EML3: variants seen among roughly 807,000 people sequenced by gnomAD.
EML3 encodes EMAP like 3, also known as echinoderm microtubule-associated protein-like 3.
In EML3, 53 loss-of-function variants were observed where a neutral mutation model predicts 106.7. The ratio of observed to expected loss-of-function variants is 0.50; its 90% CI spans 0.40 to 0.62. The LOEUF is 0.62. EML3 is among the 20% of genes least tolerant of loss of function. The pLI is 0.00. For missense variants in EML3, 994 were observed against 1,209.1 expected, an observed-to-expected ratio of 0.82 and a Z score of 2.64; for synonymous variants, 499 against 489.6, an observed-to-expected ratio of 1.02 and a Z score of -0.25.
Position 62,611,170 on chromosome 11 carries a change from T to C in EML3, c.369A>G (p.Gly123=), listed in dbSNP as rs1315922505. ...SEEPSGTQSE[G]GGSSSSGAGS... ...CAGCACCACTGCTGCTGCTGCCCCC[T>C]CCTTCAGATTGGGTCCCGCTAGGCT... The change falls in exon 3 of 22, where the codon GGA becomes GGG. Residue 123 remains glycine, a synonymous_variant. Coordinates refer to ENST00000394773, the MANE Select transcript of EML3 (RefSeq NM_153265.3). The C allele has an allele frequency of 6.2e-7, 1 of 1,605,362 alleles. No individual in the cohort carries two copies. Among genetic ancestry groups the C allele is most frequent in the East Asian group, 2.2e-5 (1 of 44,846 alleles).
chr11:62,607,222 C>T (rs1297439720), intron 11 of EML3, 123 bp from the exon 12 acceptor site: 47 of 1,251,174 alleles, frequency 3.8e-5, no homozygotes, highest in South Asian at 2.7e-4. Flanking sequence ...CCAAGGCGGG[C>T]GGGTCACCTG....
Position 62,608,721 on chromosome 11 carries a change from T to G in EML3, c.999+15A>C. The G allele has an allele frequency of 6.2e-7, 1 of 1,613,058 alleles. No homozygotes were observed. Among genetic ancestry groups the G allele is most frequent in the South Asian group, 1.1e-5 (1 of 90,938 alleles). On this transcript the variant is annotated intron_variant, in intron 8 of 21. Transcript: ENST00000394773. ...AATTCCAGCATGTCTGCCTGCTCCC[T>G]GACTTTGGCCTTACCTTTCCATCCT... is the stretch of plus-strand genomic sequence containing the variant.
Position 62,606,949 on chromosome 11 carries a change from G to A in EML3, c.1504+9C>T, listed in dbSNP as rs1942553321. ...CTACACTTCCCAGATGCCCCTCCCA[G>A]CCACATACCTTTGGCGCCACCCCTG... On this transcript the variant is annotated intron_variant, in intron 12 of 21. Coordinates refer to ENST00000394773, the MANE Select transcript of EML3 (RefSeq NM_153265.3). The A allele has an allele frequency of 1.2e-6, 2 of 1,610,708 alleles. No homozygotes were observed. Among genetic ancestry groups the A allele is most frequent in the Non-Finnish European group, 1.7e-6 (2 of 1,178,074 alleles).
chr11:62,610,775 G>T, intron 4 of EML3, 104 bp downstream of exon 4: 1 of 997,692 alleles, frequency 1.0e-6, no homozygotes, highest in Non-Finnish European at 1.5e-6. Flanking sequence ...ATTCCTGTTG[G>T]GCAATCAGGT....
rs967774436 is a variant in EML3 at position 62,602,396 on chromosome 11, G to C, written c.*79C>G. 14 of 1,550,776 alleles carry C rather than the reference G, an allele frequency of 9.0e-6. No individual in the cohort carries two copies. Among genetic ancestry groups the C allele is most frequent in the Non-Finnish European group, 9.6e-6 (11 of 1,146,704 alleles). On this transcript the variant is annotated 3_prime_UTR_variant, in exon 22 of 22. Transcript: ENST00000394773. The stretch of plus-strand genomic sequence containing the variant: ...CAGTCCAGGAAAGAGTCGGCCCCTA[G>C]TCGTGGGGGATTGGGCCAGGGAAGG...
chr11:62,604,270 G>A (rs1233428974), intron 16 of EML3, 69 bp from the exon 17 acceptor site: 1 of 1,432,212 alleles, frequency 7.0e-7, no homozygotes, highest in Admixed American at 1.8e-5. Flanking sequence ...CCCCAGGGAG[G>A]CCACCCTGGG....
rs1452595960 is a variant in EML3, at chr11:62,612,580, C to G, written c.-123G>C. The G allele has an allele frequency of 2.0e-6, 2 of 995,510 alleles. No individual in the cohort carries two copies. The highest frequency in any genetic ancestry group is 4.3e-5 in the Admixed American group (1 of 23,030). The allele number at this position is 995,510 out of a possible 1,614,324, so 61.7% of individuals were successfully genotyped here. A position where few individuals can be genotyped will look rare whatever the true frequency, so the allele number is the denominator to read the frequency against. ...CGCGCGAAGGGCGCCGTACCACCAC[C>G]CCGAGGGGGCGCTGTCGGGCGCGGG... On this transcript the variant is annotated 5_prime_UTR_variant, in exon 1 of 22. Transcript: ENST00000394773.
chr11:62,606,948 A>T lies in EML3; in HGVS notation c.1504+10T>A. ...ACTACACTTCCCAGATGCCCCTCCC[A>T]GCCACATACCTTTGGCGCCACCCCT... On this transcript the variant is annotated intron_variant, in intron 12 of 21. Coordinates refer to ENST00000394773, the MANE Select transcript of EML3 (RefSeq NM_153265.3). 1 of 1,610,850 alleles carries T rather than the reference A, an allele frequency of 6.2e-7. No individual in the cohort carries two copies. The highest frequency in any genetic ancestry group is 8.5e-7 in the Non-Finnish European group (1 of 1,178,412).
rs747227582 is a variant in EML3 at position 62,602,787 on chromosome 11, A to C, written c.2459T>G (p.Leu820Arg). ...GGCACGAGCGCACGGGTACTGGAAG[A>C]GATGCACTTTGCAGAAGTCGTCGGC... ...AVADDFCKVHLFQYPCARAKA... is the reference protein window; with the variant it reads ...AVADDFCKVHRFQYPCARAKA... Residue 820 changes from leucine (L) to arginine (R), a missense_variant, in exon 21 of 22, where the codon CTC becomes CGC. Coordinates refer to ENST00000394773, the MANE Select transcript of EML3 (RefSeq NM_153265.3). 6.2e-7 allele frequency: 1 copy of C among 1,611,638 alleles called. No homozygotes were observed. Among genetic ancestry groups the C allele is most frequent in the Non-Finnish European group, 8.5e-7 (1 of 1,179,414 alleles).
intron 7 of EML3, 34 bp downstream of exon 7, chr11:62,608,927 CT>C (rs1195619608): frequency 6.2e-7 from 1 of 1,609,892 alleles, no homozygotes; most frequent in African/African-American, 1.3e-5. Context: ...CCCAGACCCT[CT>C]TCCTGCCAAG....
At chr11:62,606,868 A>AAG in intron 12 of EML3, 90 bp downstream of exon 12, 1 of 1,430,570 alleles carries the variant, frequency 7.0e-7, no homozygotes, top group South Asian at 1.5e-5. Context: ...AAAAAAAAAA[A>AAG]AAAAAAGATG....
In EML3 at chr11:62,607,706, G is replaced by A; in HGVS notation, c.1322C>T (p.Pro441Leu). Reference sequence around the variant, plus strand: ...TTTCCGGGTAAGGGTCCCATTCCCAGGAACCCCTACTCCACCACTCCAATT... The same window carrying A: ...TTTCCGGGTAAGGGTCCCATTCCCAAGAACCCCTACTCCACCACTCCAATT... ...FWNWSGGVGV[P>L]GNGTLTRKQG... is the part of the protein sequence containing the mutation. The change falls in exon 11 of 22, where the codon CCT becomes CTT. Residue 441 changes from proline to leucine, a missense_variant. Physicochemically the swap from Pro to Leu is moderately conservative, Grantham distance 98. This residue lies in a region of EML3 where 713 missense variants were observed against 920.5 expected (regional missense o/e 0.77). Coordinates refer to ENST00000394773, the MANE Select transcript of EML3 (RefSeq NM_153265.3). The A allele has an allele frequency of 6.2e-7, 1 of 1,614,038 alleles. No individual in the cohort carries two copies. Among genetic ancestry groups the A allele is most frequent in the Non-Finnish European group, 8.5e-7 (1 of 1,179,972 alleles).
chr11:62,607,612 T>A, intron 11 of EML3, 54 bp downstream of exon 11: 1 of 1,577,538 alleles, frequency 6.3e-7, no homozygotes, highest in Admixed American at 1.7e-5. Context: ...CTCAGCCCAG[T>A]GCTTCCTCTT....
At chr11:62,606,882 A>C in intron 12 of EML3, 76 bp downstream of exon 12, 1 of 1,380,670 alleles carries the variant, frequency 7.2e-7, no homozygotes. Context: ...AAAGATGGGA[A>C]TGGGAAACCC....
chr11:62,606,393 G>A, intron 12 of EML3, 179 bp from the exon 13 acceptor site: 1 of 755,824 alleles, frequency 1.3e-6, no homozygotes, highest in Non-Finnish European at 2.1e-6. Context: ...CAGGACAACT[G>A]AGACTCACAG....
intron 11 of EML3, 90 bp downstream of exon 11, chr11:62,607,576 G>C: frequency 6.9e-7 from 1 of 1,440,238 alleles, no homozygotes; most frequent in Non-Finnish European, 9.3e-7. Flanking sequence ...GCAGGTGGGG[G>C]TTAGGGAACC....
In EML3 at chr11:62,608,486, C is replaced by T. The variant is rs78138564; in HGVS notation, c.1110+56G>A. 8 of 1,548,378 alleles carry T rather than the reference C, an allele frequency of 5.2e-6. No individual in the cohort carries two copies. In the South Asian group the frequency reaches 8.9e-5, roughly 17 times the overall value. On this transcript the variant is annotated intron_variant, in intron 9 of 21. Coordinates refer to ENST00000394773, the MANE Select transcript of EML3 (RefSeq NM_153265.3). ...ACTTCCAAGGCTTCCTGGTGACATG[C>T]AAGAGTGGGGTTCCTAGGCAAGAAT...
Position 62,605,080 on chromosome 11 carries a change from CT to C in EML3, c.1982+32del. ...CAGGAACCCTTCCCAGTCCTCCCTG[CT>C]TTCCCTCCTGGGAGTCCTGGCTCTC... On this transcript the variant is annotated intron_variant, in intron 16 of 21. Transcript: ENST00000394773. This position sits in a 1 kb window ranked among gnomAD's most constrained non-coding sequence, Gnocchi z 5.2. The C allele has an allele frequency of 6.3e-7, 1 of 1,599,846 alleles. No homozygotes were observed. The highest frequency in any genetic ancestry group is 8.5e-7 in the Non-Finnish European group (1 of 1,172,564).
At position 62,604,099 on chromosome 11, in the gene EML3, G is replaced by A. The variant is rs772054997; in HGVS notation, c.2071+14C>T. The A allele has an allele frequency of 2.5e-6, 4 of 1,614,048 alleles. No individual in the cohort carries two copies. The highest frequency in any genetic ancestry group is 3.4e-6 in the Non-Finnish European group (4 of 1,179,998). ...CAGGGACGCATGTGAGTCCAGGGTTGGGGTGGCTCCCACCTGGGCTGTACC... is the reference window on the plus strand; with the variant it reads ...CAGGGACGCATGTGAGTCCAGGGTTAGGGTGGCTCCCACCTGGGCTGTACC... On this transcript the variant is annotated intron_variant, in intron 17 of 21. Transcript: ENST00000394773.
Sources: allele counts gnomAD v4.1 joint callset, GRCh38; gene constraint gnomAD v4.1.1; regional missense constraint gnomAD v4.1.1; non-coding constraint Gnocchi (gnomAD v3.1); transcripts MANE v1.5; gene names NCBI Gene and HGNC (gene_info 2026-07-23, HGNC 2026-07-21).